The following KANSL1L variants were observed in gnomAD, a reference collection of about 807,000 sequenced individuals.
The protein encoded by KANSL1L is KAT8 regulatory NSL complex subunit 1 like.
Under a neutral mutation model 108.6 loss-of-function variants are expected in KANSL1L, and 25 were observed. The observed-to-expected ratio is 0.23, with a 90% CI of 0.17 to 0.32. The LOEUF is 0.32. KANSL1L is among the 10% of genes least tolerant of loss of function. The probability of loss-of-function intolerance (pLI) is 1.00; values close to 1 mark genes in which losing one functional copy is unlikely to be tolerated. For synonymous variants in KANSL1L, 405 were observed against 395.1 expected, an observed-to-expected ratio of 1.03 and a Z score of -0.30; for missense variants, 1,137 against 1,125.7, an observed-to-expected ratio of 1.01 and a Z score of -0.14.
chr2:210,123,878 C>T (rs1279017220), intron 3 of KANSL1L, among the ~76,000 whole-genome samples: 1 of 151,850 alleles, frequency 6.6e-6, no homozygotes, highest in Admixed American at 6.6e-5. Context: ...CTTGACCCTC[C>T]AGTCTCCTTG....
intron 6 of KANSL1L, among the ~76,000 whole-genome samples, chr2:210,060,407 T>C (rs2094407133): frequency 6.6e-6 from 1 of 152,244 alleles, no homozygotes; most frequent in African/African-American, 2.4e-5. Flanking sequence ...TCATTATTAA[T>C]GTTACTTCAA....
intron 6 of KANSL1L, among the ~76,000 whole-genome samples, chr2:210,062,617 A>C (rs912472050): frequency 2.6e-5 from 4 of 152,198 alleles, no homozygotes; most frequent in African/African-American, 9.7e-5. Flanking sequence ...GATGGAGATA[A>C]GGAACTTGTT....
intron 3 of KANSL1L, among the ~76,000 whole-genome samples, chr2:210,104,978 T>C (rs1222539397): frequency 2.6e-5 from 4 of 152,108 alleles, no homozygotes; most frequent in Non-Finnish European, 2.9e-5. Context: ...GGGGAATGAA[T>C]AGGGATCAAG....
rs2093856826 is a variant in KANSL1L, at chr2:210,021,603, TA to T, written c.*1345del. ...TTTGTCAGTATTGAATTGAATTTTT[TA>T]CCCCTTAAAAGGACTAGTATAATTT... is the stretch of plus-strand genomic sequence containing the variant. On this transcript the variant is annotated 3_prime_UTR_variant, in exon 15 of 15. Transcript: ENST00000281772. 1 of 152,654 alleles carries T rather than the reference TA, an allele frequency of 6.6e-6. No individual in the cohort carries two copies. The highest frequency in any genetic ancestry group is 6.5e-5 in the Admixed American group (1 of 15,288). The allele number at this position is 152,654 out of a possible 1,614,324, so 9.5% of individuals were successfully genotyped here. A position where few individuals can be genotyped will look rare whatever the true frequency, so the allele number is the denominator to read the frequency against.
intron 2 of KANSL1L, among the ~76,000 whole-genome samples, chr2:210,135,479 C>T (rs980893824): frequency 6.6e-6 from 1 of 152,124 alleles, no homozygotes; most frequent in Non-Finnish European, 1.5e-5. Flanking sequence ...GCCTTACTTG[C>T]AGTTAGGTCT....
At chr2:210,153,386 A>G (rs964159588) in intron 2 of KANSL1L, 109 bp downstream of exon 2, 2 of 807,042 alleles carry the variant, frequency 2.5e-6, no homozygotes, top group Admixed American at 2.8e-5. Context: ...AAAAAAGATT[A>G]TAGCATTAAG....
intron 1 of KANSL1L, among the ~76,000 whole-genome samples, chr2:210,167,942 A>G (rs1424888635): frequency 6.6e-6 from 1 of 152,008 alleles, no homozygotes; most frequent in African/African-American, 2.4e-5. Flanking sequence ...CAATTCAGTG[A>G]AAAGTCCCCA....
chr2:210,107,534 A>T lies in KANSL1L; in HGVS notation c.1231-3233T>A, dbSNP rs1380638889. ...TCAAAAAAAAAATATATATATATATATTTTTTTTTTTTGAGACAGAGTCTT... is the reference window on the plus strand; with the variant it reads ...TCAAAAAAAAAATATATATATATATTTTTTTTTTTTTTGAGACAGAGTCTT... On this transcript the variant is annotated intron_variant, in intron 3 of 14. Coordinates refer to ENST00000281772, the MANE Select transcript of KANSL1L (RefSeq NM_152519.4). Among the ~76,000 whole-genome samples, 170 of 117,616 alleles carry T rather than the reference A, an allele frequency of 1.4e-3. 2 individuals are homozygous for T. Among genetic ancestry groups the T allele is most frequent in the Non-Finnish European group, 2.7e-3 (136 of 50,544 alleles). 77.2% of individuals were successfully genotyped at this position (117,616 alleles called of 152,430 possible).
chr2:210,040,574 A>T, intron 7 of KANSL1L, 47 bp from the exon 8 acceptor site: 1 of 806,978 alleles, frequency 1.2e-6, no homozygotes, highest in Non-Finnish European at 2.0e-6. Flanking sequence ...CACTCTTTGT[A>T]ATACTAGGAT....
chr2:210,093,209 G>A (rs998732137), intron 5 of KANSL1L, among the ~76,000 whole-genome samples: 3 of 152,146 alleles, frequency 2.0e-5, no homozygotes, highest in Non-Finnish European at 4.4e-5. Flanking sequence ...GCAGTGGCAC[G>A]ATCTTGGCTC....
intron 6 of KANSL1L, among the ~76,000 whole-genome samples, chr2:210,057,725 C>T (rs1418781837): frequency 1.3e-5 from 2 of 152,164 alleles, no homozygotes; most frequent in African/African-American, 2.4e-5. Context: ...TATTAGTTCC[C>T]CAAATTAATA....
intron 2 of KANSL1L, among the ~76,000 whole-genome samples, chr2:210,136,552 G>GT (rs1247476405): frequency 1.3e-5 from 2 of 152,182 alleles, no homozygotes; most frequent in African/African-American, 2.4e-5. Flanking sequence ...AGCATTGTGT[G>GT]TATGTGTGTG....
In KANSL1L at chr2:210,021,499, G is replaced by C. The variant is rs2093855166; in HGVS notation, c.*1450C>G. On this transcript the variant is annotated 3_prime_UTR_variant, in exon 15 of 15. Transcript: ENST00000281772. ...ACGTGACAAAGATTTGAGTTTATTT[G>C]CCTGGACAACTTGGGTTTGTCTGGC... 6.6e-6 allele frequency: 1 copy of C among 152,458 alleles called. No homozygotes were observed. The highest frequency in any genetic ancestry group is 6.6e-5 in the Admixed American group (1 of 15,250). The allele number at this position is 152,458 out of a possible 1,614,324, so 9.4% of individuals were successfully genotyped here.
Position 210,022,297 on chromosome 2 carries a change from C to T in KANSL1L, c.*652G>A, listed in dbSNP as rs2093871263. The T allele has an allele frequency of 1.3e-5, 2 of 152,202 alleles. No homozygotes were observed. The highest frequency in any genetic ancestry group is 1.3e-4 in the Admixed American group (2 of 15,242). The allele number at this position is 152,202 out of a possible 1,614,324, so 9.4% of individuals were successfully genotyped here. A position where few individuals can be genotyped will look rare whatever the true frequency, so the allele number is the denominator to read the frequency against. ...CTGTAAATAACTTCTGTTGGTTAAACATGTTAAAACAACAACAACAACAAC... is the reference window on the plus strand; with the variant it reads ...CTGTAAATAACTTCTGTTGGTTAAATATGTTAAAACAACAACAACAACAAC... On this transcript the variant is annotated 3_prime_UTR_variant, in exon 15 of 15. Coordinates refer to ENST00000281772, the MANE Select transcript of KANSL1L (RefSeq NM_152519.4).
chr2:210,104,394 T>G (rs2094826065), intron 3 of KANSL1L, 93 bp from the exon 4 acceptor site: 1 of 848,446 alleles, frequency 1.2e-6, no homozygotes, highest in Non-Finnish European at 1.9e-6. Flanking sequence ...ATGCTTCCAC[T>G]TATCTCTTGG....
intron 1 of KANSL1L, among the ~76,000 whole-genome samples, chr2:210,168,130 C>T (rs546606042): frequency 2.0e-5 from 3 of 152,072 alleles, no homozygotes; most frequent in South Asian, 2.1e-4. Context: ...TTAAGGATAG[C>T]GATATGAGAG....
chr2:210,030,820 A>C (rs926385099), intron 9 of KANSL1L: 6 of 151,924 alleles, frequency 3.9e-5, no homozygotes, highest in African/African-American at 1.5e-4. Flanking sequence ...CAGATGTCCT[A>C]CCCTTTTGGA....
intron 3 of KANSL1L, among the ~76,000 whole-genome samples, chr2:210,122,358 G>A (rs987071042): frequency 1.3e-5 from 2 of 151,938 alleles, no homozygotes; most frequent in Non-Finnish European, 2.9e-5. Context: ...AAAACAGTAC[G>A]GAGAACCCAG....
intron 6 of KANSL1L, among the ~76,000 whole-genome samples, chr2:210,068,663 C>T (rs2094484913): frequency 6.6e-6 from 1 of 152,134 alleles, no homozygotes; most frequent in South Asian, 2.1e-4. Context: ...GCATTTCCTG[C>T]CTGTAAAATT....
Sources: gnomAD v4.1 joint callset for allele counts (sites outside exome capture counted in the v4.1 genomes callset) on GRCh38, gnomAD v4.1.1 for gene constraint, MANE v1.5 for transcripts, NCBI Gene and HGNC (gene_info 2026-07-23, HGNC 2026-07-21) for gene names.